Variants in SVEP1 observed in about 807,000 individuals in gnomAD.
SVEP1 encodes the protein sushi, von Willebrand factor type A, EGF and pentraxin domain containing 1.
A neutral mutation model predicts 367.3 loss-of-function variants in SVEP1; 164 were observed. The observed-to-expected ratio is 0.45, with a 90% CI of 0.39 to 0.51. The LOEUF (loss-of-function observed/expected upper bound fraction) is 0.51, where lower values mean the gene tolerates loss of function less well. Ranked by LOEUF, SVEP1 falls within the 20% of genes least tolerant of loss-of-function variation. The pLI, the probability that SVEP1 is intolerant of heterozygous loss-of-function variation, is 0.00. For synonymous variants in SVEP1, 1,666 were observed against 1,611.6 expected (o/e 1.03, Z -0.81); for missense variants, 4,117 against 4,425.3 (o/e 0.93, Z 1.98).
rs79054672 is a variant in SVEP1 at position 110,388,675 on chromosome 9, C to T, written c.9886+849G>A. ...AAACCACATAGGGAGCTTTAAAATG[C>T]TATTGATGCTGTGCCGGGCATGGTG... On this transcript the variant is annotated intron_variant, in intron 41 of 47. Coordinates refer to ENST00000374469, the MANE Select transcript of SVEP1 (RefSeq NM_153366.4). Among the ~76,000 whole-genome samples, 876 of 152,196 alleles carry T rather than the reference C, an allele frequency of 5.8e-3. 6 individuals carry two copies. The highest frequency in any genetic ancestry group is 0.02 in the African/African-American group (815 of 41,546).
At chr9:110,568,630 T>C (rs927339639) in intron 1 of SVEP1, among the ~76,000 whole-genome samples, 1 of 152,100 alleles carries the variant, frequency 6.6e-6, no homozygotes, top group Non-Finnish European at 1.5e-5. Context: ...AGTTCTACCT[T>C]GCTGAGGGAA....
intron 9 of SVEP1, among the ~76,000 whole-genome samples, chr9:110,488,295 T>C (rs1376278806): frequency 6.6e-6 from 1 of 152,082 alleles, no homozygotes; most frequent in Non-Finnish European, 1.5e-5. Context: ...AGAGTCCAGT[T>C]TGGATTCCAG....
chr9:110,397,275 CT>C (rs1827777776), intron 40 of SVEP1, among the ~76,000 whole-genome samples: 1 of 151,620 alleles, frequency 6.6e-6, no homozygotes, highest in African/African-American at 2.4e-5. Flanking sequence ...CAGAAAAGGC[CT>C]TTGACAAAAT....
chr9:110,511,830 T>C (rs760881243), intron 5 of SVEP1, among the ~76,000 whole-genome samples: 7 of 152,088 alleles, frequency 4.6e-5, no homozygotes, highest in African/African-American at 1.4e-4. Context: ...CTTATGGATA[T>C]GGATGCCAAG....
Position 110,499,251 on chromosome 9 carries a change from A to C in SVEP1, c.1484-13T>G, listed in dbSNP as rs1829495924. The C allele has an allele frequency of 6.3e-7, 1 of 1,597,010 alleles. No homozygotes were observed. The highest frequency in any genetic ancestry group is 1.1e-5 in the South Asian group (1 of 88,628). ...GAACAGTGGCGCTCTACGGTAGGGA[A>C]ACAGAGAGAATGTTATTTGTGTTCC... On this transcript the variant is annotated splice_polypyrimidine_tract_variant and intron_variant, in intron 6 of 47. Transcript: ENST00000374469.
intron 24 of SVEP1, among the ~76,000 whole-genome samples, chr9:110,448,175 G>A (rs1178548604): frequency 7.0e-6 from 1 of 142,780 alleles, no homozygotes; most frequent in Non-Finnish European, 1.5e-5. Flanking sequence ...GCGCGCTCGC[G>A]CGTGTGTATG....
chr9:110,408,257 T>C lies in SVEP1; in HGVS notation c.7343A>G (p.Asn2448Ser), dbSNP rs894628706. Reference sequence around the variant, plus strand: ...AAGGCCTTGCACATCAATGATTCCATTGGGGATTTCCTCAGGTTGGGGACA... The same window carrying C: ...AAGGCCTTGCACATCAATGATTCCACTGGGGATTTCCTCAGGTTGGGGACA... ...VECPQPEEIP[N>S]GIIDVQGLAY... Residue 2448 changes from asparagine to serine, a missense_variant, in exon 38 of 48, where the codon AAT becomes AGT. By Grantham distance (46) the Asn-to-Ser change is conservative (BLOSUM62 1). This residue lies in a region of SVEP1 where 1,765 missense variants were observed against 1,781.1 expected (regional missense o/e 0.99). Coordinates refer to ENST00000374469, the MANE Select transcript of SVEP1 (RefSeq NM_153366.4). 3.3e-5 allele frequency: 53 copies of C among 1,613,868 alleles called. No individual in the cohort carries two copies. Among genetic ancestry groups the C allele is most frequent in the African/African-American group, 5.3e-5 (4 of 74,930 alleles).
chr9:110,375,465 T>TCAAAAAA lies in SVEP1; in HGVS notation c.10505-3_10505-2insTTTTTTG. On this transcript the variant is annotated splice_region_variant and splice_polypyrimidine_tract_variant and intron_variant, in intron 45 of 47. Transcript: ENST00000374469. Reference sequence around the variant, plus strand: ...TCAGACAGGGAAGAATGCAGATTGCTAAAAAAAAAAAAAAAAAAAAAAAAA... The same window carrying TCAAAAAA: ...TCAGACAGGGAAGAATGCAGATTGCTCAAAAAAAAAAAAAAAAAAAAAAAAAAAAAAA... The TCAAAAAA allele has an allele frequency of 1.8e-6, 1 of 555,400 alleles. No homozygotes were observed. Among genetic ancestry groups the TCAAAAAA allele is most frequent in the South Asian group, 2.6e-5 (1 of 38,842 alleles). 34.4% of individuals were successfully genotyped at this position (555,400 alleles called of 1,614,324 possible).
chr9:110,367,494 C>T (rs1445905331), intron 47 of SVEP1, among the ~76,000 whole-genome samples: 1 of 152,164 alleles, frequency 6.6e-6, no homozygotes, highest in African/African-American at 2.4e-5. Flanking sequence ...GGCATTCAGT[C>T]TCGTAGGAGA....
chr9:110,373,136 CT>C (rs1344775826), intron 46 of SVEP1, among the ~76,000 whole-genome samples: 4 of 152,102 alleles, frequency 2.6e-5, no homozygotes. Context: ...CATTTATTAC[CT>C]GCACCAGTAA....
chr9:110,540,540 T>C (rs1830131611), intron 3 of SVEP1, among the ~76,000 whole-genome samples: 1 of 152,158 alleles, frequency 6.6e-6, no homozygotes, highest in South Asian at 2.1e-4. Flanking sequence ...TATTCCTGTT[T>C]TTCTCCATTT....
intron 3 of SVEP1, among the ~76,000 whole-genome samples, chr9:110,544,775 T>C (rs1830197133): frequency 6.8e-6 from 1 of 147,922 alleles, no homozygotes; most frequent in Non-Finnish European, 1.5e-5. Context: ...GTTGGGAACA[T>C]TCGAATCCTC....
intron 34 of SVEP1, 37 bp from the exon 35 acceptor site, chr9:110,429,371 G>T (rs1437096879): frequency 2.1e-6 from 3 of 1,409,458 alleles, no homozygotes; most frequent in African/African-American, 2.9e-5. Flanking sequence ...GATATAATTT[G>T]CTTTATTTTG....
At chr9:110,402,773 C>T (rs1588035656) in intron 39 of SVEP1, among the ~76,000 whole-genome samples, 1 of 152,188 alleles carries the variant, frequency 6.6e-6, no homozygotes, top group East Asian at 1.9e-4. Flanking sequence ...TTCTTCAGCT[C>T]TATATCTAAA....
At position 110,406,542 on chromosome 9, in the gene SVEP1, T is replaced by C. The variant is rs372503996; in HGVS notation, c.9058A>G (p.Thr3020Ala). The C allele has an allele frequency of 3.8e-5, 61 of 1,613,518 alleles. No homozygotes were observed. Among genetic ancestry groups the C allele is most frequent in the Admixed American group, 5.0e-5 (3 of 59,958 alleles). Residue 3020 changes from threonine to alanine, a missense_variant, in exon 38 of 48, where the codon ACA becomes GCA. Around this residue, in one of 4 missense-constraint regions of SVEP1, gnomAD observed 1,765 missense variants for 1,781.1 expected, o/e 0.99. Coordinates refer to ENST00000374469, the MANE Select transcript of SVEP1 (RefSeq NM_153366.4). ...PVIEYGTVNG[T>A]DFDCGKAARI... ...GCTGCCTTTCCACAGTCAAAATCTGTCCCATTGACAGTTCCATATTCAATT... is the reference window on the plus strand; with the variant it reads ...GCTGCCTTTCCACAGTCAAAATCTGCCCCATTGACAGTTCCATATTCAATT...
intron 22 of SVEP1, among the ~76,000 whole-genome samples, chr9:110,451,807 G>A (rs1028914769): frequency 6.6e-6 from 1 of 152,194 alleles, no homozygotes; most frequent in African/African-American, 2.4e-5. Context: ...TATATTGAAT[G>A]AAGAAAATAA....
chr9:110,405,033 C>G (rs879024391), intron 38 of SVEP1, among the ~76,000 whole-genome samples: 1 of 151,726 alleles, frequency 6.6e-6, no homozygotes, highest in Non-Finnish European at 1.5e-5. Context: ...CTCAAAAAAC[C>G]AAAAAACAAA....
chr9:110,571,776 C>A (rs546595796), intron 1 of SVEP1, among the ~76,000 whole-genome samples: 62 of 152,250 alleles, frequency 4.1e-4, no homozygotes, highest in Non-Finnish European at 6.8e-4. Context: ...ACTCAAGGAC[C>A]ACAGTATGAA....
At chr9:110,372,800 T>A (rs1411922537) in intron 46 of SVEP1, among the ~76,000 whole-genome samples, 3 of 152,160 alleles carry the variant, frequency 2.0e-5, no homozygotes, top group African/African-American at 7.2e-5. Flanking sequence ...GATGGTAGGA[T>A]AACAAGTGAG....
Sources: allele counts gnomAD v4.1 joint callset (sites outside exome capture counted in the v4.1 genomes callset), GRCh38; gene constraint gnomAD v4.1.1; regional missense constraint gnomAD v4.1.1; transcripts MANE v1.5; gene names NCBI Gene and HGNC (gene_info 2026-07-23, HGNC 2026-07-21).